NSF: variants seen among roughly 807,000 people sequenced by gnomAD.
NSF encodes the protein N-ethylmaleimide sensitive factor, vesicle fusing ATPase.
Under a neutral mutation model 50.3 loss-of-function variants are expected in NSF, and 14 were observed. That is an observed-to-expected ratio of 0.28 (90% CI 0.18 to 0.44). The LOEUF (loss-of-function observed/expected upper bound fraction) is 0.44, where lower values mean the gene tolerates loss of function less well. NSF is among the 20% of genes least tolerant of loss of function. The probability of loss-of-function intolerance (pLI) is 1.00; values close to 1 mark genes in which losing one functional copy is unlikely to be tolerated. For synonymous variants in NSF, 109 were observed against 175.7 expected (o/e 0.62, Z 3.00); for missense variants, 218 against 504.3 (o/e 0.43, Z 5.44).
chr17:46,671,729 GTAA>G (rs1242138861), intron 8 of NSF, among the ~76,000 whole-genome samples: 2 of 81,504 alleles, frequency 2.5e-5, no homozygotes, highest in Non-Finnish European at 5.5e-5. Flanking sequence ...AAACTTCATG[GTAA>G]TAATTTGTGA....
chr17:46,725,302 C>T (rs2058877002), intron 15 of NSF, among the ~76,000 whole-genome samples: 1 of 152,152 alleles, frequency 6.6e-6, no homozygotes, highest in East Asian at 1.9e-4. Flanking sequence ...TTTTATCCAC[C>T]TCACAGTCCA....
chr17:46,722,352 G>C (rs1568046199), intron 15 of NSF, among the ~76,000 whole-genome samples: 1 of 152,182 alleles, frequency 6.6e-6, no homozygotes, highest in African/African-American at 2.4e-5. Flanking sequence ...TTTGGATCTA[G>C]AGCAAGCACT....
intron 17 of NSF, among the ~76,000 whole-genome samples, chr17:46,748,012 G>A (rs2059147917): frequency 6.6e-6 from 1 of 152,130 alleles, no homozygotes; most frequent in African/African-American, 2.4e-5. Context: ...TATTAAAAAG[G>A]TTAGAAACAA....
intron 13 of NSF, among the ~76,000 whole-genome samples, chr17:46,708,230 T>C (rs1304077418): frequency 6.6e-6 from 1 of 152,144 alleles, no homozygotes. Flanking sequence ...TGCTGGATCA[T>C]ATAGTAATTC....
chr17:46,748,171 G>A (rs976363099), intron 17 of NSF, among the ~76,000 whole-genome samples: 2 of 152,108 alleles, frequency 1.3e-5, no homozygotes, highest in Non-Finnish European at 2.9e-5. Flanking sequence ...GCAATGGCGT[G>A]ATCTTGGCTC....
intron 17 of NSF, among the ~76,000 whole-genome samples, chr17:46,744,005 T>C (rs1396652623): frequency 6.6e-6 from 1 of 152,166 alleles, no homozygotes; most frequent in Non-Finnish European, 1.5e-5. Context: ...TTCAAGGGCC[T>C]TGCCAGTGCC....
chr17:46,709,317 A>T (rs1397129412), intron 13 of NSF, among the ~76,000 whole-genome samples: 1 of 152,056 alleles, frequency 6.6e-6, no homozygotes, highest in African/African-American at 2.4e-5. Flanking sequence ...ACTTAATTTT[A>T]TTTATTCCAA....
At chr17:46,713,407 T>C (rs1169762633) in intron 14 of NSF, 1 of 156,610 alleles carries the variant, frequency 6.4e-6, no homozygotes, top group Admixed American at 6.5e-5. Flanking sequence ...CCTGAGTCTT[T>C]AGAATTCTAA....
chr17:46,601,634 A>T (rs1208181685), intron 1 of NSF, among the ~76,000 whole-genome samples: 1 of 145,818 alleles, frequency 6.9e-6, no homozygotes. Context: ...TTTTTCCTTT[A>T]CTGATTTGCA....
chr17:46,725,034 G>T (rs2058872937), intron 15 of NSF, among the ~76,000 whole-genome samples: 1 of 152,050 alleles, frequency 6.6e-6, no homozygotes, highest in Non-Finnish European at 1.5e-5. Context: ...TATATTAAAT[G>T]ATATGAGGAT....
intron 17 of NSF, among the ~76,000 whole-genome samples, chr17:46,748,171 G>T (rs976363099): frequency 2.6e-5 from 4 of 152,108 alleles, no homozygotes; most frequent in African/African-American, 4.8e-5. Context: ...GCAATGGCGT[G>T]ATCTTGGCTC....
chr17:46,750,444 A>T (rs1037754873), intron 18 of NSF, among the ~76,000 whole-genome samples: 4 of 152,180 alleles, frequency 2.6e-5, no homozygotes, highest in African/African-American at 9.7e-5. Context: ...AGCGTCTCTA[A>T]TCTGGAAATC....
chr17:46,597,771 G>T (rs1437073363), intron 1 of NSF, among the ~76,000 whole-genome samples: 2 of 105,184 alleles, frequency 1.9e-5, no homozygotes, highest in Non-Finnish European at 2.1e-5. Flanking sequence ...AAATGTTTTT[G>T]TTGTTGTTGC....
At chr17:46,748,311 A>G (rs185599751) in intron 17 of NSF, among the ~76,000 whole-genome samples, 10 of 152,172 alleles carry the variant, frequency 6.6e-5, no homozygotes, top group African/African-American at 2.4e-4. Flanking sequence ...GGGTTTCGCC[A>G]TGTTGGTCAG....
chr17:46,609,719 T>C (rs1303556647), intron 1 of NSF, among the ~76,000 whole-genome samples: 1 of 147,884 alleles, frequency 6.8e-6, no homozygotes, highest in African/African-American at 2.5e-5. Context: ...GTATCAACAA[T>C]TTAGATAAGT....
intron 4 of NSF, among the ~76,000 whole-genome samples, chr17:46,636,863 T>TTC (rs1377495215): frequency 6.8e-6 from 1 of 146,762 alleles, no homozygotes; most frequent in East Asian, 2.0e-4. Context: ...TCTTTCTTTC[T>TTC]TTTTTTTTGA....
intron 13 of NSF, among the ~76,000 whole-genome samples, chr17:46,709,697 G>A (rs112697980): frequency 6.6e-6 from 1 of 151,914 alleles, no homozygotes; most frequent in African/African-American, 2.4e-5. Context: ...GTTTCACCAC[G>A]TTGGCCAGGT....
intron 13 of NSF, among the ~76,000 whole-genome samples, chr17:46,710,734 C>G (rs1014535474): frequency 6.6e-5 from 10 of 152,130 alleles, no homozygotes; most frequent in African/African-American, 2.4e-4. Flanking sequence ...GAATCTCAGC[C>G]TAGAATCCAT....
At chr17:46,730,115 A>G (rs1378757744) in intron 17 of NSF, among the ~76,000 whole-genome samples, 1 of 152,114 alleles carries the variant, frequency 6.6e-6, no homozygotes, top group African/African-American at 2.4e-5. Flanking sequence ...AATTATCTAC[A>G]TATATCATGA....
Sources: gnomAD v4.1 joint callset for allele counts (sites outside exome capture counted in the v4.1 genomes callset) on GRCh38, gnomAD v4.1.1 for gene constraint, MANE v1.5 for transcripts, NCBI Gene and HGNC (gene_info 2026-07-23, HGNC 2026-07-21) for gene names.